The following CGNL1 variants were observed in gnomAD, a reference collection of about 807,000 sequenced individuals.
CGNL1 encodes cingulin like 1.
Under a neutral mutation model 141.2 loss-of-function variants are expected in CGNL1, and 132 were observed. The ratio of observed to expected loss-of-function variants is 0.93; its 90% CI spans 0.81 to 1.08. The LOEUF (loss-of-function observed/expected upper bound fraction) is 1.08. Among genes scored for constraint, CGNL1 ranks in the 50% least tolerant of loss-of-function variants. The probability of loss-of-function intolerance (pLI) is 0.00; values close to 1 mark genes in which losing one functional copy is unlikely to be tolerated. For missense variants in CGNL1, 1,870 were observed against 1,588.6 expected, an observed-to-expected ratio of 1.18 and a Z score of -3.01; for synonymous variants, 690 against 622.1, an observed-to-expected ratio of 1.11 and a Z score of -1.63.
chr15:57,413,465 T>A (rs2062815594), intron 1 of CGNL1, among the ~76,000 whole-genome samples: 1 of 152,098 alleles, frequency 6.6e-6, no homozygotes, highest in Admixed American at 6.5e-5. Flanking sequence ...GATGGGGGTT[T>A]TGCCCAGGGG....
intron 8 of CGNL1, among the ~76,000 whole-genome samples, chr15:57,511,789 G>C (rs1011930969): frequency 6.6e-6 from 1 of 152,232 alleles, no homozygotes; most frequent in South Asian, 2.1e-4. Context: ...TGGAGTGGCA[G>C]AGGAATCGAC....
In CGNL1 at chr15:57,439,071, G is replaced by A; in HGVS notation, c.1072G>A (p.Glu358Lys). The stretch of plus-strand genomic sequence containing the variant: ...AATTCCTGGTGTGGATCAGTTAATT[G>A]AAAAATTTGATCAAAAACCTGGGCT... ...GSIPGVDQLIEKFDQKPGLQR... is the reference protein window; with the variant it reads ...GSIPGVDQLIKKFDQKPGLQR... The change falls in exon 2 of 19, where the codon GAA (glutamate) becomes AAA (lysine). Residue 358 changes from glutamate to lysine, a missense_variant. Transcript: ENST00000281282. 6.2e-7 allele frequency: 1 copy of A among 1,614,000 alleles called. No individual in the cohort carries two copies. Among genetic ancestry groups the A allele is most frequent in the Non-Finnish European group, 8.5e-7 (1 of 1,179,988 alleles).
chr15:57,506,746 G>A (rs1359685457), intron 8 of CGNL1, among the ~76,000 whole-genome samples: 1 of 152,152 alleles, frequency 6.6e-6, no homozygotes, highest in Non-Finnish European at 1.5e-5. Context: ...CAACCTTAAT[G>A]TATTGTGGTC....
intron 9 of CGNL1, among the ~76,000 whole-genome samples, chr15:57,517,519 T>G (rs1333635360): frequency 3.9e-5 from 6 of 152,222 alleles, no homozygotes; most frequent in African/African-American, 1.4e-4. Flanking sequence ...TAGTCTGTCC[T>G]GTGCTGCTAT....
At chr15:57,520,254 C>A (rs2031158921) in intron 10 of CGNL1, among the ~76,000 whole-genome samples, 2 of 152,298 alleles carry the variant, frequency 1.3e-5, no homozygotes, top group South Asian at 2.1e-4. Flanking sequence ...ACTTTGTTTT[C>A]TTTAAAATTG....
chr15:57,544,725 C>T (rs2032763651), intron 16 of CGNL1, 128 bp downstream of exon 16: 2 of 1,104,566 alleles, frequency 1.8e-6, no homozygotes, highest in South Asian at 3.3e-5. Context: ...GCAACTACAC[C>T]CTTACTTTTA....
In CGNL1 at chr15:57,439,317, G is replaced by A. The variant is rs141686050; in HGVS notation, c.1318G>A (p.Val440Met). 1.1e-5 allele frequency: 17 copies of A among 1,614,096 alleles called. No individual in the cohort carries two copies. Among genetic ancestry groups the A allele is most frequent in the Admixed American group, 1.7e-5 (1 of 60,026 alleles). The part of the protein sequence containing the change: ...LSQERRGKQS[V>M]GRTFAKLQGA... ...TCAGGAGCGCCGTGGGAAACAGAGC[G>A]TGGGCCGCACCTTTGCAAAGCTGCA... Residue 440 changes from valine (V) to methionine (M), a missense_variant, in exon 2 of 19, where the codon GTG becomes ATG. Transcript: ENST00000281282.
chr15:57,483,250 G>T (rs2063748291), intron 8 of CGNL1, among the ~76,000 whole-genome samples: 1 of 152,066 alleles, frequency 6.6e-6, no homozygotes, highest in South Asian at 2.1e-4. Flanking sequence ...ATTTGATTTT[G>T]TATTTTCAAG....
chr15:57,523,372 C>T (rs2090300385), intron 10 of CGNL1, 117 bp from the exon 11 acceptor site: 3 of 814,888 alleles, frequency 3.7e-6, no homozygotes, highest in Non-Finnish European at 3.8e-6. Flanking sequence ...TCTTCCTCAT[C>T]ACGGATTTAA....
intron 16 of CGNL1, among the ~76,000 whole-genome samples, chr15:57,545,390 C>A (rs1359938436): frequency 1.3e-5 from 2 of 152,206 alleles, no homozygotes; most frequent in African/African-American, 4.8e-5. Flanking sequence ...AAGCCTTGGG[C>A]CAGTCACTCC....
chr15:57,424,794 T>C (rs2152287401), intron 1 of CGNL1, among the ~76,000 whole-genome samples: 1 of 152,320 alleles, frequency 6.6e-6, no homozygotes, highest in South Asian at 2.1e-4. Flanking sequence ...AGGCATCTCA[T>C]TGTACAAGGT....
At chr15:57,517,859 C>T (rs1047465354) in intron 9 of CGNL1, among the ~76,000 whole-genome samples, 18 of 152,204 alleles carry the variant, frequency 1.2e-4, no homozygotes, top group Admixed American at 6.5e-5. Flanking sequence ...TCAACACATG[C>T]TTTTTGGGGG....
intron 1 of CGNL1, among the ~76,000 whole-genome samples, chr15:57,431,223 T>C (rs1252133103): frequency 6.6e-6 from 1 of 152,222 alleles, no homozygotes; most frequent in East Asian, 1.9e-4. Flanking sequence ...TTGAAGACAT[T>C]CGAACCATCC....
At chr15:57,486,506 G>A (rs959177196) in intron 8 of CGNL1, among the ~76,000 whole-genome samples, 3 of 152,212 alleles carry the variant, frequency 2.0e-5, no homozygotes, top group Non-Finnish European at 4.4e-5. Flanking sequence ...ACATGAGTCC[G>A]TCCAGTCTTC....
chr15:57,397,020 G>A (rs1383980089), intron 1 of CGNL1: 2 of 152,190 alleles, frequency 1.3e-5, no homozygotes, highest in Non-Finnish European at 2.9e-5. Flanking sequence ...CACTGGGAGA[G>A]TCTACTTCAA....
intron 18 of CGNL1, among the ~76,000 whole-genome samples, 180 bp downstream of exon 18, chr15:57,546,419 AG>A (rs1363622002): frequency 6.6e-6 from 1 of 152,122 alleles, no homozygotes. Flanking sequence ...CATGGGCAGT[AG>A]GGTCTCATGC....
intron 8 of CGNL1, chr15:57,478,470 T>G (rs367879210): frequency 2.0e-5 from 3 of 152,280 alleles, no homozygotes; most frequent in East Asian, 3.8e-4. Context: ...TGGAAGGCAC[T>G]TTAACTGGAT....
intron 1 of CGNL1, among the ~76,000 whole-genome samples, chr15:57,435,167 A>C (rs1351904664): frequency 6.6e-6 from 1 of 152,162 alleles, no homozygotes; most frequent in Admixed American, 6.5e-5. Context: ...AAAAGTAAAA[A>C]TTTTATAAGA....
rs118001542 is a variant in CGNL1, at chr15:57,394,445, G to A, written c.-16+17878G>A. Reference sequence around the variant, plus strand: ...CGGCTTATTTGGTTTTTATAGTAACGCTATTGATTCCATTTTTACCAAGGA... The same window carrying A: ...CGGCTTATTTGGTTTTTATAGTAACACTATTGATTCCATTTTTACCAAGGA... On this transcript the variant is annotated intron_variant, in intron 1 of 18. Transcript: ENST00000281282. Among the ~76,000 whole-genome samples the A allele has an allele frequency of 3.2e-3, 487 of 152,178 alleles. 2 individuals carry two copies. Among genetic ancestry groups the A allele is most frequent in the Non-Finnish European group, 5.7e-3 (385 of 67,988 alleles).
Sources: gnomAD v4.1 joint callset for allele counts (sites outside exome capture counted in the v4.1 genomes callset) on GRCh38, gnomAD v4.1.1 for gene constraint, MANE v1.5 for transcripts, NCBI Gene and HGNC (gene_info 2026-07-23, HGNC 2026-07-21) for gene names.